Variants in DGKH observed in about 807,000 individuals in gnomAD.
DGKH encodes the protein diacylglycerol kinase eta, also known as DAG kinase eta.
A neutral mutation model predicts 159.3 loss-of-function variants in DGKH; 90 were observed. The observed-to-expected ratio is 0.57, with a 90% CI of 0.48 to 0.67. The LOEUF (loss-of-function observed/expected upper bound fraction) is 0.67. DGKH is among the 30% of genes least tolerant of loss of function. The probability of loss-of-function intolerance (pLI) is 0.00; values close to 1 mark genes in which losing one functional copy is unlikely to be tolerated. For synonymous variants in DGKH, 536 were observed against 553.8 expected (o/e 0.97, Z 0.45); for missense variants, 1,181 against 1,506.1 (o/e 0.78, Z 3.57).
At chr13:42,040,389 C>T (rs896584399) in intron 1 of DGKH, among the ~76,000 whole-genome samples, 6 of 151,932 alleles carry the variant, frequency 3.9e-5, no homozygotes, top group Non-Finnish European at 8.8e-5. Context: ...CGCTCCTTTC[C>T]GCGCGGCCGC....
chr13:42,114,288 A>C (rs1230325124), intron 1 of DGKH, among the ~76,000 whole-genome samples: 1 of 152,194 alleles, frequency 6.6e-6, no homozygotes, highest in Non-Finnish European at 1.5e-5. Context: ...GAGTTCTTAC[A>C]GTGCTGCTGG....
intron 17 of DGKH, among the ~76,000 whole-genome samples, chr13:42,197,704 C>T (rs1486360099): frequency 6.6e-6 from 1 of 151,962 alleles, no homozygotes; most frequent in Non-Finnish European, 1.5e-5. Flanking sequence ...GAGTGAGACT[C>T]ATCTCTAAAA....
chr13:42,189,179 AAGC>A lies in DGKH; in HGVS notation c.1784_1786del (p.Ser595del). On this transcript the variant is annotated inframe_deletion, in exon 15 of 30. Coordinates refer to ENST00000337343, the MANE Select transcript of DGKH (RefSeq NM_178009.5). ...CGTCCAGTGAAGAGTCCCTGGGTGA[AAGC>A]AAAGAGCAGCTTGGGGATGACGTTA... is the stretch of plus-strand genomic sequence containing the variant. 6.2e-7 allele frequency: 1 copy of A among 1,614,238 alleles called. No homozygotes were observed. The highest frequency in any genetic ancestry group is 8.5e-7 in the Non-Finnish European group (1 of 1,180,034).
At chr13:42,191,615 T>G (rs1483386497) in intron 16 of DGKH, among the ~76,000 whole-genome samples, 1 of 152,164 alleles carries the variant, frequency 6.6e-6, no homozygotes, top group East Asian at 1.9e-4. Context: ...ATGAAGACCT[T>G]TCATTCCCCA....
intron 8 of DGKH, among the ~76,000 whole-genome samples, chr13:42,165,972 G>T (rs1228150495): frequency 6.6e-6 from 1 of 152,028 alleles, no homozygotes. Context: ...CATGTATAAT[G>T]CTATGCTGTT....
intron 1 of DGKH, among the ~76,000 whole-genome samples, chr13:42,124,577 C>T (rs1955134054): frequency 6.6e-6 from 1 of 152,044 alleles, no homozygotes; most frequent in Non-Finnish European, 1.5e-5. Flanking sequence ...CTGCTACAGT[C>T]AGTGGTGGTA....
At position 42,099,688 on chromosome 13, in the gene DGKH, C is replaced by T. The variant is rs772890171; in HGVS notation, c.193-27775C>T. ...ACGAGCTAGGCAACTATTTTGCAAC[C>T]GAATGCAACAGTGAAGAAAACATGA... On this transcript the variant is annotated intron_variant, in intron 1 of 29. Coordinates refer to ENST00000337343, the MANE Select transcript of DGKH (RefSeq NM_178009.5). 3.9e-5 allele frequency among the ~76,000 whole-genome samples: 6 copies of T among 152,196 alleles called. No individual in the cohort carries two copies. In the East Asian group the frequency reaches 7.7e-4, roughly 20 times the overall value.
At chr13:42,100,119 C>G (rs1175437191) in intron 1 of DGKH, among the ~76,000 whole-genome samples, 1 of 152,112 alleles carries the variant, frequency 6.6e-6, no homozygotes, top group African/African-American at 2.4e-5. Flanking sequence ...CAGTTGCTCC[C>G]CATTGCTGGC....
intron 9 of DGKH, among the ~76,000 whole-genome samples, chr13:42,167,065 A>G (rs151191085): frequency 0.011 from 1,737 of 152,312 alleles, 17 homozygotes; most frequent in Non-Finnish European, 0.016. Flanking sequence ...AGGGACTCTC[A>G]TGGCTGTCAA....
At chr13:42,051,057 C>T (rs895027336) in intron 1 of DGKH, among the ~76,000 whole-genome samples, 4 of 152,110 alleles carry the variant, frequency 2.6e-5, no homozygotes, top group African/African-American at 4.8e-5. Flanking sequence ...AGGTTTCATG[C>T]GCTCGTTGTA....
At chr13:42,207,018 T>TCTTTCTTTCTTTC (rs1491321459) in intron 21 of DGKH, among the ~76,000 whole-genome samples, 1 of 145,316 alleles carries the variant, frequency 6.9e-6, no homozygotes, top group African/African-American at 2.6e-5. Flanking sequence ...TTTCTTTCTT[T>TCTTTCTTTCTTTC]CTTTCTTTTT....
chr13:42,068,718 A>G (rs1397862606), intron 1 of DGKH, among the ~76,000 whole-genome samples: 1 of 152,100 alleles, frequency 6.6e-6, no homozygotes, highest in African/African-American at 2.4e-5. Context: ...GCATTGCATT[A>G]TTTTGCTCTA....
At chr13:42,186,395 A>C (rs1410573319) in intron 13 of DGKH, among the ~76,000 whole-genome samples, 1 of 152,184 alleles carries the variant, frequency 6.6e-6, no homozygotes, top group South Asian at 2.1e-4. Flanking sequence ...CTTTTAGCTT[A>C]TTTCTATCGC....
At chr13:42,100,360 G>C (rs1450048528) in intron 1 of DGKH, among the ~76,000 whole-genome samples, 1 of 152,086 alleles carries the variant, frequency 6.6e-6, no homozygotes, top group Non-Finnish European at 1.5e-5. Flanking sequence ...ATGGTGAGTT[G>C]AATTATTTTA....
At chr13:42,168,907 A>G (rs1008919767) in intron 11 of DGKH, 89 bp downstream of exon 11, 5 of 1,372,946 alleles carry the variant, frequency 3.6e-6, no homozygotes, top group African/African-American at 1.5e-5. Context: ...TTTATTAATA[A>G]ATTTTACTGA....
chr13:42,047,372 C>T (rs1880860710), upstream of DGKH, among the ~76,000 whole-genome samples: 1 of 152,020 alleles, frequency 6.6e-6, no homozygotes, highest in African/African-American at 2.4e-5. Context: ...CCTTAAAGGT[C>T]ATGTCAACTG....
In DGKH at chr13:42,159,971, G is replaced by A. The variant is rs117428221; in HGVS notation, c.730-40G>A. ...CTCCCCTGGGGTAAGGTTGGTGTCC[G>A]CCAGTCTTCACCTGGCTGCCCTTTC... On this transcript the variant is annotated intron_variant, in intron 6 of 29. Coordinates refer to ENST00000337343, the MANE Select transcript of DGKH (RefSeq NM_178009.5). 13,936 of 1,613,866 alleles carry A rather than the reference G, an allele frequency of 8.6e-3. 133 individuals carry two copies. Among genetic ancestry groups the A allele is most frequent in the East Asian group, 0.044 (1,986 of 44,878 alleles).
chr13:42,053,666 T>C (rs1442708410), intron 1 of DGKH, among the ~76,000 whole-genome samples: 1 of 150,974 alleles, frequency 6.6e-6, no homozygotes, highest in Admixed American at 6.6e-5. Flanking sequence ...GTTGCCAGGC[T>C]GGAGTGCAGT....
chr13:42,141,651 T>TG (rs1178135312), intron 3 of DGKH, among the ~76,000 whole-genome samples: 9 of 152,360 alleles, frequency 5.9e-5, no homozygotes, highest in African/African-American at 1.9e-4. Context: ...TGATGGCCAG[T>TG]ATTGATGAGC....
Sources: gnomAD v4.1 joint callset for allele counts (sites outside exome capture counted in the v4.1 genomes callset) on GRCh38, gnomAD v4.1.1 for gene constraint, MANE v1.5 for transcripts, NCBI Gene and HGNC (gene_info 2026-07-23, HGNC 2026-07-21) for gene names.